The following AGBL4 variants were observed in gnomAD, a reference collection of about 807,000 sequenced individuals.
The protein encoded by AGBL4 is AGBL carboxypeptidase 4.
AGBL4 carries 58 observed loss-of-function variants against 66.4 expected under a neutral mutation model. That is an observed-to-expected ratio of 0.87 (90% CI 0.71 to 1.09). The LOEUF is 1.09. Ranked by LOEUF, AGBL4 falls within the 50% of genes least tolerant of loss-of-function variation. The pLI, the probability that AGBL4 is intolerant of heterozygous loss-of-function variation, is 0.00. For synonymous variants in AGBL4, 234 were observed against 222.9 expected, an observed-to-expected ratio of 1.05 and a Z score of -0.44; for missense variants, 579 against 631.0, an observed-to-expected ratio of 0.92 and a Z score of 0.88.
At chr1:49,030,933 G>A (rs1664172702) in intron 5 of AGBL4, among the ~76,000 whole-genome samples, 1 of 151,920 alleles carries the variant, frequency 6.6e-6, no homozygotes, top group South Asian at 2.1e-4. Context: ...AAGAGGCTGA[G>A]TGACGGAGTG....
chr1:49,284,373 C>T lies in AGBL4; in HGVS notation c.283-38509G>A, dbSNP rs745761100. Among the ~76,000 whole-genome samples, 6 of 151,824 alleles carry T rather than the reference C, an allele frequency of 4.0e-5. No individual in the cohort carries two copies. In the East Asian group the frequency reaches 5.8e-4, roughly 15 times the overall value. ...TCCCTAAAAGAGCTCCTGAAGGAAG[C>T]GCTAAACAGGGAAAGGAACAACCGG... On this transcript the variant is annotated intron_variant, in intron 3 of 13. Transcript: ENST00000371839.
At chr1:49,616,093 A>G in intron 3 of AGBL4, among the ~76,000 whole-genome samples, 1 of 152,146 alleles carries the variant, frequency 6.6e-6, no homozygotes, top group East Asian at 1.9e-4. Flanking sequence ...GGAAGGAGGA[A>G]TATATGTAAA....
chr1:48,694,588 T>C (rs1646686091), intron 6 of AGBL4, among the ~76,000 whole-genome samples: 10 of 152,198 alleles, frequency 6.6e-5, no homozygotes, highest in Admixed American at 6.5e-4. Flanking sequence ...GGTCCTTTCA[T>C]GTTTCTGAGA....
At chr1:48,767,694 C>T (rs750038520) in intron 6 of AGBL4, among the ~76,000 whole-genome samples, 11 of 152,170 alleles carry the variant, frequency 7.2e-5, no homozygotes, top group East Asian at 1.9e-4. Flanking sequence ...TTTACTCAGC[C>T]GGTCTGTGCA....
chr1:49,110,132 G>A (rs953799534), intron 4 of AGBL4, among the ~76,000 whole-genome samples: 1 of 152,112 alleles, frequency 6.6e-6, no homozygotes, highest in African/African-American at 2.4e-5. Flanking sequence ...ATAGCCATCA[G>A]TCCCCTTCCT....
At chr1:48,951,230 G>A (rs1026513741) in intron 5 of AGBL4, among the ~76,000 whole-genome samples, 2 of 152,100 alleles carry the variant, frequency 1.3e-5, no homozygotes, top group African/African-American at 2.4e-5. Flanking sequence ...TCAGAAGGTA[G>A]GACTACTGTG....
Position 48,534,212 on chromosome 1 carries a change from C to T in AGBL4, c.1473G>A (p.Lys491=), listed in dbSNP as rs1643933008. Residue 491 remains lysine, a synonymous_variant, in exon 14 of 14, where the codon AAG becomes AAA. Coordinates refer to ENST00000371839, the MANE Select transcript of AGBL4 (RefSeq NM_032785.4). ...AAGGGTCTTTGTGGTTCACTGAGCT[C>T]TTCTTGTCCCCTTTGCTGTTGGGGT... is the stretch of plus-strand genomic sequence containing the variant. ...SNYPNSKGDK[K]SSVNHKDPST... 6.4e-7 allele frequency: 1 copy of T among 1,551,548 alleles called. No homozygotes were observed. The highest frequency in any genetic ancestry group is 8.7e-7 in the Non-Finnish European group (1 of 1,146,954).
chr1:49,425,204 C>A (rs1256397211), intron 3 of AGBL4, among the ~76,000 whole-genome samples: 2 of 152,032 alleles, frequency 1.3e-5, no homozygotes, highest in Non-Finnish European at 2.9e-5. Context: ...CATAATAATT[C>A]TAAAATTTTA....
At chr1:49,547,358 C>T (rs1484213548) in intron 3 of AGBL4, among the ~76,000 whole-genome samples, 1 of 152,118 alleles carries the variant, frequency 6.6e-6, no homozygotes, top group Admixed American at 6.5e-5. Flanking sequence ...TTCCATTGGC[C>T]TATGTACCTA....
intron 6 of AGBL4, among the ~76,000 whole-genome samples, chr1:48,756,175 G>A (rs1315444194): frequency 1.3e-5 from 2 of 152,164 alleles, no homozygotes; most frequent in Non-Finnish European, 2.9e-5. Context: ...AGACATACAT[G>A]CTCTTTGCCT....
chr1:49,874,520 T>A (rs907703784), intron 1 of AGBL4, among the ~76,000 whole-genome samples: 1 of 152,132 alleles, frequency 6.6e-6, no homozygotes, highest in African/African-American at 2.4e-5. Flanking sequence ...CATTGTAATG[T>A]CATAGAATTA....
intron 3 of AGBL4, among the ~76,000 whole-genome samples, chr1:49,391,011 A>G (rs1377029626): frequency 2.0e-5 from 3 of 152,142 alleles, no homozygotes; most frequent in Admixed American, 2.0e-4. Flanking sequence ...AGTCTTAAAG[A>G]ATGAGTGGAA....
intron 4 of AGBL4, among the ~76,000 whole-genome samples, chr1:49,215,434 T>C (rs1557736515): frequency 6.6e-6 from 1 of 152,136 alleles, no homozygotes; most frequent in Non-Finnish European, 1.5e-5. Flanking sequence ...CTCTGTTTTT[T>C]TGCTGATTGA....
intron 4 of AGBL4, among the ~76,000 whole-genome samples, chr1:49,161,052 G>C (rs1348721496): frequency 6.6e-6 from 1 of 152,090 alleles, no homozygotes; most frequent in African/African-American, 2.4e-5. Flanking sequence ...CTTTCCAGGG[G>C]AGTGAACAGT....
At chr1:49,411,711 A>G (rs1011843544) in intron 3 of AGBL4, among the ~76,000 whole-genome samples, 1 of 152,064 alleles carries the variant, frequency 6.6e-6, no homozygotes, top group African/African-American at 2.4e-5. Context: ...GAAATAAACT[A>G]AAGAATTAAT....
chr1:50,016,941 TACCC>T (rs1662027629), intron 1 of AGBL4, among the ~76,000 whole-genome samples: 1 of 152,156 alleles, frequency 6.6e-6, no homozygotes, highest in Non-Finnish European at 1.5e-5. Context: ...ACTGAGTATA[TACCC>T]AAAGAAATCT....
chr1:49,936,431 G>A, intron 1 of AGBL4, among the ~76,000 whole-genome samples: 1 of 152,150 alleles, frequency 6.6e-6, no homozygotes, highest in East Asian at 1.9e-4. Flanking sequence ...TTACCCAGGA[G>A]AACTTCCCCA....
In AGBL4 at chr1:49,768,140, T is replaced by C. The variant is rs377511639; in HGVS notation, c.158-70703A>G. On this transcript the variant is annotated intron_variant, in intron 2 of 13. Coordinates refer to ENST00000371839, the MANE Select transcript of AGBL4 (RefSeq NM_032785.4). ...ATCCTCCTGAAATTATTCCAAAAAA[T>C]TGAGGAGGAGGGTCTCATCTCTATC... Among the ~76,000 whole-genome samples the C allele has an allele frequency of 9.9e-5, 15 of 152,170 alleles. 1 individual carries two copies. The highest frequency in any genetic ancestry group is 3.6e-4 in the African/African-American group (15 of 41,530).
chr1:48,819,915 G>A (rs1206087430), intron 6 of AGBL4, among the ~76,000 whole-genome samples: 2 of 152,224 alleles, frequency 1.3e-5, no homozygotes, highest in South Asian at 2.1e-4. Context: ...TTCTTCTATT[G>A]AGCCTAAAAT....
Sources: allele counts gnomAD v4.1 joint callset (sites outside exome capture counted in the v4.1 genomes callset), GRCh38; gene constraint gnomAD v4.1.1; transcripts MANE v1.5; gene names NCBI Gene and HGNC (gene_info 2026-07-23, HGNC 2026-07-21).